Variants in DYRK1A observed in about 807,000 individuals in gnomAD.
The protein encoded by DYRK1A is dual specificity tyrosine-phosphorylation-regulated kinase 1A.
In DYRK1A, 9 loss-of-function variants were observed where a neutral mutation model predicts 79.7. The observed-to-expected ratio is 0.11, with a 90% CI of 0.07 to 0.20. The LOEUF (loss-of-function observed/expected upper bound fraction) is 0.20. Among genes scored for constraint, DYRK1A ranks in the 10% least tolerant of loss-of-function variants. The pLI is 1.00. For missense variants in DYRK1A, 622 were observed against 956.0 expected (o/e 0.65, Z 4.61); for synonymous variants, 349 against 329.7 (o/e 1.06, Z -0.63).
In DYRK1A at chr21:37,519,036, G is replaced by A. The variant is rs1051671635; in HGVS notation, c.*6505G>A. 4 of 152,180 alleles carry A rather than the reference G, an allele frequency of 2.6e-5. No individual in the cohort carries two copies. Among genetic ancestry groups the A allele is most frequent in the Admixed American group, 2.6e-4 (4 of 15,276 alleles). 9.4% of individuals were successfully genotyped at this position (152,180 alleles called of 1,614,324 possible). ...CAAGCCTCCGGGAAAGGCAGAAATT[G>A]CCAGATGTAAGTATATAAAACTTAC... On this transcript the variant is annotated 3_prime_UTR_variant, in exon 12 of 12. Transcript: ENST00000647188.
intron 2 of DYRK1A, among the ~76,000 whole-genome samples, chr21:37,453,277 A>G (rs1225468560): frequency 6.6e-6 from 1 of 152,200 alleles, no homozygotes; most frequent in Non-Finnish European, 1.5e-5. Flanking sequence ...TTTATAGCAC[A>G]TCTTAATTCT....
chr21:37,394,017 G>T lies in DYRK1A; in HGVS notation c.-76-26282G>T, dbSNP rs556361182. On this transcript the variant is annotated intron_variant, in intron 1 of 11. Coordinates refer to ENST00000647188, the MANE Select transcript of DYRK1A (RefSeq NM_001347721.2). The stretch of plus-strand genomic sequence containing the variant: ...AAGCCACAGGCCAGCCCAGATTCAG[G>T]GGGTTCGGGGTGGGGTGGGGATTGT... Among the ~76,000 whole-genome samples the T allele has an allele frequency of 3.9e-5, 6 of 152,344 alleles. No homozygotes were observed. The South Asian group carries it at 1.2e-3, about 32-fold the overall frequency.
At chr21:37,426,919 T>TCA (rs70940562) in intron 2 of DYRK1A, among the ~76,000 whole-genome samples, 2 of 119,306 alleles carry the variant, frequency 1.7e-5, no homozygotes, top group Non-Finnish European at 3.4e-5. Context: ...GACTCGGTTC[T>TCA]AAAAAAAAAA....
chr21:37,486,804 T>G (rs1173411243), intron 6 of DYRK1A, 190 bp downstream of exon 6: 1 of 458,980 alleles, frequency 2.2e-6, no homozygotes, highest in African/African-American at 2.0e-5. Flanking sequence ...TTGGGGAATG[T>G]GCCTTCCATG....
chr21:37,412,807 G>GT lies in DYRK1A; in HGVS notation c.-76-7490dup, dbSNP rs1569301157. 2.0e-5 allele frequency among the ~76,000 whole-genome samples: 3 copies of GT among 152,278 alleles called. No individual in the cohort carries two copies. The South Asian group carries it at 6.2e-4, about 32-fold the overall frequency. The stretch of plus-strand genomic sequence containing the variant: ...ATGTGGTGCAGGAATGTGATGAGGA[G>GT]TTGTAGGCATAGAGAATGGAGGCAG... On this transcript the variant is annotated intron_variant, in intron 1 of 11. Coordinates refer to ENST00000647188, the MANE Select transcript of DYRK1A (RefSeq NM_001347721.2).
At chr21:37,381,895 T>A (rs958828923) in intron 1 of DYRK1A, among the ~76,000 whole-genome samples, 3 of 152,212 alleles carry the variant, frequency 2.0e-5, no homozygotes, top group African/African-American at 7.2e-5. Context: ...ACTTCAAGTT[T>A]GGACAACAGA....
At chr21:37,451,564 C>T (rs1315687641) in intron 2 of DYRK1A, among the ~76,000 whole-genome samples, 1 of 149,928 alleles carries the variant, frequency 6.7e-6, no homozygotes, top group Non-Finnish European at 1.5e-5. Context: ...GTAGGCTCTA[C>T]CGTCTAGCGT....
chr21:37,490,245 C>G lies in DYRK1A; in HGVS notation c.708C>G (p.Leu236=), dbSNP rs201987908. 8 of 1,613,722 alleles carry G rather than the reference C, an allele frequency of 5.0e-6. No homozygotes were observed. Among genetic ancestry groups the G allele is most frequent in the Non-Finnish European group, 5.9e-6 (7 of 1,179,772 alleles). The change falls in exon 7 of 12, where the codon CTC becomes CTG. Residue 236 remains leucine (L), a synonymous_variant. Coordinates refer to ENST00000647188, the MANE Select transcript of DYRK1A (RefSeq NM_001347721.2). ...CLVFEMLSYN[L]YDLLRNTNFR... is the part of the protein sequence containing the mutation. ...TTTTTGAAATGCTGTCCTACAACCT[C>G]TATGACTTGCTGAGAAACACCAATT...
intron 1 of DYRK1A, among the ~76,000 whole-genome samples, chr21:37,381,891 A>G (rs2049665536): frequency 6.6e-6 from 1 of 152,234 alleles, no homozygotes; most frequent in South Asian, 2.1e-4. Flanking sequence ...TTTAACTTCA[A>G]GTTTGGACAA....
At position 37,478,256 on chromosome 21, in the gene DYRK1A, A is replaced by C; in HGVS notation, c.256A>C (p.Lys86Gln). The change falls in exon 4 of 12, where the codon AAA becomes CAA. Residue 86 changes from lysine (K) to glutamine (Q), a missense_variant. This residue lies in a region of DYRK1A where 91 missense variants were observed against 113.8 expected (regional missense o/e 0.80). Coordinates refer to ENST00000647188, the MANE Select transcript of DYRK1A (RefSeq NM_001347721.2). ...FRDPATAPLRKLSVDLIKTYK... is the reference protein window; with the variant it reads ...FRDPATAPLRQLSVDLIKTYK... The stretch of plus-strand genomic sequence containing the variant: ...TGACCCAGCAACTGCTCCCCTGAGA[A>C]AACTTTCTGTTGACTTGATCAAAAC... 1 of 1,614,108 alleles carries C rather than the reference A, an allele frequency of 6.2e-7. No homozygotes were observed. Among genetic ancestry groups the C allele is most frequent in the Non-Finnish European group, 8.5e-7 (1 of 1,179,954 alleles).
At position 37,516,201 on chromosome 21, in the gene DYRK1A, C is replaced by T. The variant is rs2053879048; in HGVS notation, c.*3670C>T. On this transcript the variant is annotated 3_prime_UTR_variant, in exon 12 of 12. Coordinates refer to ENST00000647188, the MANE Select transcript of DYRK1A (RefSeq NM_001347721.2). ...TAGTGGTAGACTGTATGTAATAGACCAGATGGTTCATTCCAAATACATGAC... is the reference window on the plus strand; with the variant it reads ...TAGTGGTAGACTGTATGTAATAGACTAGATGGTTCATTCCAAATACATGAC... The T allele has an allele frequency of 6.6e-6, 1 of 152,032 alleles. No homozygotes were observed. The highest frequency in any genetic ancestry group is 1.5e-5 in the Non-Finnish European group (1 of 68,012). The allele number at this position is 152,032 out of a possible 1,614,324, so 9.4% of individuals were successfully genotyped here.
intron 6 of DYRK1A, among the ~76,000 whole-genome samples, chr21:37,489,488 T>C (rs1415535394): frequency 6.6e-6 from 1 of 152,188 alleles, no homozygotes; most frequent in Non-Finnish European, 1.5e-5. Context: ...TCATCTCTTC[T>C]TGTAGCTGAG....
At chr21:37,484,487 C>T (rs1569368649) in intron 5 of DYRK1A, among the ~76,000 whole-genome samples, 1 of 152,018 alleles carries the variant, frequency 6.6e-6, no homozygotes, top group Non-Finnish European at 1.5e-5. Flanking sequence ...CCCCACCACA[C>T]CTGGCTAATT....
At chr21:37,461,673 A>G (rs1379759902) in intron 2 of DYRK1A, among the ~76,000 whole-genome samples, 1 of 152,018 alleles carries the variant, frequency 6.6e-6, no homozygotes, top group Non-Finnish European at 1.5e-5. Flanking sequence ...GGTCTTTTTT[A>G]TTTTCATCAT....
chr21:37,399,146 A>G (rs1192035084), intron 1 of DYRK1A, among the ~76,000 whole-genome samples: 2 of 100 alleles, frequency 0.02, no homozygotes. Context: ...CAGTCTTGTG[A>G]GTAGAGAGAG....
intron 1 of DYRK1A, among the ~76,000 whole-genome samples, chr21:37,404,682 C>G (rs2050116850): frequency 6.6e-6 from 1 of 152,226 alleles, no homozygotes; most frequent in Non-Finnish European, 1.5e-5. Context: ...TCAGGGATCA[C>G]AGTCTTGGGC....
chr21:37,373,335 G>C (rs2049470914), intron 1 of DYRK1A, among the ~76,000 whole-genome samples: 2 of 152,200 alleles, frequency 1.3e-5, no homozygotes, highest in Non-Finnish European at 2.9e-5. Flanking sequence ...TCAGTAGGAA[G>C]CTCTATTGTG....
rs747716400 is a variant in DYRK1A, at chr21:37,512,067, C to T, written c.1801C>T (p.His601Tyr). ...CCATGGTAACAGTTCCCATCACCATCACCACCACCACCACCATCACCACCA... is the reference window on the plus strand; with the variant it reads ...CCATGGTAACAGTTCCCATCACCATTACCACCACCACCACCATCACCACCA... ...HHHGNSSHHH[H>Y]HHHHHHHHHG... The change falls in exon 12 of 12, where the codon CAC (histidine) becomes TAC (tyrosine). Residue 601 changes from histidine to tyrosine, a missense_variant. Physicochemically the swap from His to Tyr is moderately conservative, Grantham distance 83. This residue lies in a region of DYRK1A where 292 missense variants were observed against 316.7 expected (regional missense o/e 0.92). Transcript: ENST00000647188. 6.2e-7 allele frequency: 1 copy of T among 1,613,206 alleles called. No individual in the cohort carries two copies. Among genetic ancestry groups the T allele is most frequent in the Non-Finnish European group, 8.5e-7 (1 of 1,179,456 alleles).
At position 37,479,350 on chromosome 21, in the gene DYRK1A, T is replaced by C. The variant is rs1230550350; in HGVS notation, c.300+1050T>C. The stretch of plus-strand genomic sequence containing the variant: ...TAAATTGTTGATAACAGTATATTAA[T>C]TTCAATTTGTTATTATCTGATAAAT... On this transcript the variant is annotated intron_variant, in intron 4 of 11. Transcript: ENST00000647188. Among the ~76,000 whole-genome samples the C allele has an allele frequency of 2.0e-5, 3 of 152,308 alleles. No individual in the cohort carries two copies. In the East Asian group the frequency reaches 5.8e-4, roughly 29 times the overall value.
Sources: gnomAD v4.1 joint callset for allele counts (sites outside exome capture counted in the v4.1 genomes callset) on GRCh38, gnomAD v4.1.1 for gene constraint, gnomAD v4.1.1 regional missense constraint, MANE v1.5 for transcripts, NCBI Gene and HGNC (gene_info 2026-07-23, HGNC 2026-07-21) for gene names.